The following KCNQ5 variants were observed in gnomAD, a reference collection of about 807,000 sequenced individuals.
KCNQ5 encodes potassium voltage-gated channel subfamily Q member 5.
A neutral mutation model predicts 98.2 loss-of-function variants in KCNQ5; 30 were observed. The ratio of observed to expected loss-of-function variants is 0.31; its 90% confidence interval spans 0.23 to 0.41. KCNQ5 has a LOEUF of 0.41. Among genes scored for constraint, KCNQ5 ranks in the 10% least tolerant of loss-of-function variants. The probability of loss-of-function intolerance (pLI) is 1.00; values close to 1 mark genes in which losing one functional copy is unlikely to be tolerated. For missense variants in KCNQ5, 835 were observed against 1,182.5 expected (o/e 0.71, Z 4.31); for synonymous variants, 458 against 449.4 (o/e 1.02, Z -0.24).
At chr6:72,803,236 C>T (rs555134794) in intron 1 of KCNQ5, among the ~76,000 whole-genome samples, 4 of 152,236 alleles carry the variant, frequency 2.6e-5, no homozygotes, top group Non-Finnish European at 4.4e-5. Flanking sequence ...GCCACGTACA[C>T]GTTCATTCTC....
At chr6:73,000,375 T>C (rs1294578572) in intron 1 of KCNQ5, among the ~76,000 whole-genome samples, 2 of 152,210 alleles carry the variant, frequency 1.3e-5, no homozygotes, top group Non-Finnish European at 2.9e-5. Context: ...AAGAAATGGT[T>C]CTAGAATATC....
intron 1 of KCNQ5, among the ~76,000 whole-genome samples, chr6:72,678,173 C>T (rs1319638170): frequency 6.6e-6 from 1 of 152,114 alleles, no homozygotes; most frequent in African/African-American, 2.4e-5. Flanking sequence ...TCTATTGACT[C>T]TCTCAGAAGT....
chr6:72,718,846 A>G (rs893906630), intron 1 of KCNQ5, among the ~76,000 whole-genome samples: 2 of 152,110 alleles, frequency 1.3e-5, no homozygotes, highest in African/African-American at 4.8e-5. Flanking sequence ...CTCAGCTTCC[A>G]TTATAGGTTC....
At chr6:73,042,174 T>C in intron 3 of KCNQ5, 112 bp downstream of exon 3, 2 of 1,243,460 alleles carry the variant, frequency 1.6e-6, no homozygotes, top group Non-Finnish European at 2.4e-6. Flanking sequence ...GGAGTACTTA[T>C]CATGGACCGG....
At chr6:72,941,767 G>C (rs1766327122) in intron 1 of KCNQ5, among the ~76,000 whole-genome samples, 4 of 124,852 alleles carry the variant, frequency 3.2e-5, no homozygotes, top group South Asian at 2.9e-4. Context: ...CTCAACTACT[G>C]ATTGCTGGTT....
intron 10 of KCNQ5, chr6:73,158,253 GAT>G (rs1491267422): frequency 1.3e-4 from 20 of 157,832 alleles, no homozygotes; most frequent in South Asian, 6.3e-4. Context: ...AATTTTGGAA[GAT>G]TTTTTTTTTT....
At chr6:72,631,042 A>G (rs760855857) in intron 1 of KCNQ5, among the ~76,000 whole-genome samples, 1 of 152,218 alleles carries the variant, frequency 6.6e-6, no homozygotes, top group Non-Finnish European at 1.5e-5. Flanking sequence ...GTGTGACAAT[A>G]GAGTTGAAAT....
At chr6:72,663,613 T>G (rs1227482532) in intron 1 of KCNQ5, among the ~76,000 whole-genome samples, 3 of 152,216 alleles carry the variant, frequency 2.0e-5, no homozygotes, top group Non-Finnish European at 4.4e-5. Flanking sequence ...TGGCATAATT[T>G]ATGCTATGTC....
At chr6:72,749,714 C>A (rs748006502) in intron 1 of KCNQ5, among the ~76,000 whole-genome samples, 2 of 109,898 alleles carry the variant, frequency 1.8e-5, no homozygotes, top group Non-Finnish European at 3.9e-5. Context: ...TAAATAGTCA[C>A]TGACAACATT....
At chr6:72,726,371 C>T (rs1370916661) in intron 1 of KCNQ5, among the ~76,000 whole-genome samples, 5 of 151,922 alleles carry the variant, frequency 3.3e-5, no homozygotes, top group Non-Finnish European at 7.4e-5. Context: ...CCACCATGCC[C>T]GGCTAATTCC....
intron 1 of KCNQ5, among the ~76,000 whole-genome samples, chr6:72,930,604 T>A (rs1935527): frequency 3.0e-4 from 42 of 141,426 alleles, no homozygotes; most frequent in Non-Finnish European, 5.0e-4. Context: ...AAAAAACCGC[T>A]CAAATGGTCC....
intron 1 of KCNQ5, among the ~76,000 whole-genome samples, chr6:72,776,810 G>C (rs1773184712): frequency 6.6e-6 from 1 of 152,126 alleles, no homozygotes; most frequent in Non-Finnish European, 1.5e-5. Context: ...GCAGGGACAG[G>C]GAGAGGCAGA....
chr6:72,779,500 A>G lies in KCNQ5; in HGVS notation c.398+156913A>G, dbSNP rs1209481357. On this transcript the variant is annotated intron_variant, in intron 1 of 13. Coordinates refer to ENST00000370398, the MANE Select transcript of KCNQ5 (RefSeq NM_019842.4). ...TACTTATTCATTTTTTTTTCCTAGT[A>G]AGAGGTAAGGTAATCTGCTGAGAAT... Among the ~76,000 whole-genome samples, 5 of 151,920 alleles carry G rather than the reference A, an allele frequency of 3.3e-5. 1 individual carries two copies. In the South Asian group the frequency reaches 1.0e-3, roughly 32 times the overall value.
intron 3 of KCNQ5, among the ~76,000 whole-genome samples, chr6:73,064,592 C>A (rs1233556248): frequency 6.6e-6 from 1 of 151,972 alleles, no homozygotes; most frequent in South Asian, 2.1e-4. Context: ...CTGACTGCAG[C>A]TTTGTCATTT....
At chr6:72,669,366 T>C (rs1164740045) in intron 1 of KCNQ5, among the ~76,000 whole-genome samples, 1 of 152,194 alleles carries the variant, frequency 6.6e-6, no homozygotes. Context: ...AAATTTCCAT[T>C]CAATCTTAAG....
chr6:73,129,839 C>T lies in KCNQ5; in HGVS notation c.1248-3582C>T, dbSNP rs1276841776. On this transcript the variant is annotated intron_variant, in intron 9 of 13. Transcript: ENST00000370398. Reference sequence around the variant, plus strand: ...GAAGCTCTTCAGAATGTACACCTCACGGAAGCAGAGGTACCCAGCATCCGG... The same window carrying T: ...GAAGCTCTTCAGAATGTACACCTCATGGAAGCAGAGGTACCCAGCATCCGG... 6.2e-7 allele frequency: 1 copy of T among 1,612,288 alleles called. No homozygotes were observed. Among genetic ancestry groups the T allele is most frequent in the Non-Finnish European group, 8.5e-7 (1 of 1,178,896 alleles).
At chr6:73,031,480 A>T (rs1562137245) in intron 2 of KCNQ5, among the ~76,000 whole-genome samples, 1 of 152,198 alleles carries the variant, frequency 6.6e-6, no homozygotes, top group South Asian at 2.1e-4. Context: ...ATAAAACAGT[A>T]TGCTAATTGG....
At chr6:72,871,032 A>G (rs1421857881) in intron 1 of KCNQ5, among the ~76,000 whole-genome samples, 1 of 152,162 alleles carries the variant, frequency 6.6e-6, no homozygotes, top group Non-Finnish European at 1.5e-5. Flanking sequence ...GAATACACAC[A>G]CATAGGTCCA....
intron 1 of KCNQ5, among the ~76,000 whole-genome samples, chr6:72,800,540 C>T (rs1470059598): frequency 3.9e-5 from 6 of 152,122 alleles, no homozygotes; most frequent in South Asian, 4.2e-4. Context: ...GTCTTGCTAG[C>T]GGTCTATCAA....
Sources: gnomAD v4.1 joint callset for allele counts (sites outside exome capture counted in the v4.1 genomes callset) on GRCh38, gnomAD v4.1.1 for gene constraint, MANE v1.5 for transcripts, NCBI Gene and HGNC (gene_info 2026-07-23, HGNC 2026-07-21) for gene names.